Variants in PPP4R2 observed in about 807,000 individuals in gnomAD.
PPP4R2 encodes the protein protein phosphatase 4 regulatory subunit 2.
PPP4R2 carries 13 observed loss-of-function variants against 47.2 expected under a neutral mutation model. That is an observed-to-expected ratio of 0.28 (90% CI 0.18 to 0.44). PPP4R2 has a LOEUF of 0.44. Ranked by LOEUF, PPP4R2 falls within the 20% of genes least tolerant of loss-of-function variation. The pLI, the probability that PPP4R2 is intolerant of heterozygous loss-of-function variation, is 1.00. For missense variants in PPP4R2, 421 were observed against 491.2 expected (o/e 0.86, Z 1.35); for synonymous variants, 151 against 163.3 (o/e 0.92, Z 0.57).
intron 2 of PPP4R2, among the ~76,000 whole-genome samples, chr3:73,004,844 G>GGTGT (rs751819640): frequency 6.9e-4 from 69 of 99,542 alleles, no homozygotes; most frequent in Middle Eastern, 4.1e-3. Context: ...TACAGTGTGG[G>GGTGT]GTGTGTGTGT....
chr3:73,050,931 G>A (rs1412392286), intron 3 of PPP4R2, among the ~76,000 whole-genome samples: 2 of 151,382 alleles, frequency 1.3e-5, no homozygotes, highest in Non-Finnish European at 2.9e-5. Flanking sequence ...ATTTTTTTCT[G>A]GAGACAGAGT....
At chr3:73,016,818 T>C (rs1460633738) in intron 2 of PPP4R2, among the ~76,000 whole-genome samples, 20 of 56,270 alleles carry the variant, frequency 3.6e-4, no homozygotes, top group Admixed American at 9.9e-4. Context: ...TGTTTCTTTT[T>C]TTTTTTTTTT....
chr3:73,062,206 G>C, intron 5 of PPP4R2: 3 of 1,583,842 alleles, frequency 1.9e-6, no homozygotes, highest in Non-Finnish European at 1.7e-6. Context: ...GAATTAAGTC[G>C]GAACCAATTT....
At chr3:73,065,341 CTG>C in intron 8 of PPP4R2, 54 bp from the exon 9 acceptor site, 1 of 1,477,484 alleles carries the variant, frequency 6.8e-7, no homozygotes, top group Non-Finnish European at 9.1e-7. Flanking sequence ...TGAAACTTAA[CTG>C]TGGAGGTATT....
intron 3 of PPP4R2, among the ~76,000 whole-genome samples, chr3:73,057,614 T>C (rs756452510): frequency 2.0e-5 from 3 of 152,302 alleles, no homozygotes; most frequent in South Asian, 4.1e-4. Flanking sequence ...TAAAAACATT[T>C]GTTCTCATAT....
intron 2 of PPP4R2, among the ~76,000 whole-genome samples, chr3:73,045,306 TATA>T: frequency 6.6e-6 from 1 of 152,268 alleles, no homozygotes; most frequent in South Asian, 2.1e-4. Flanking sequence ...CCTGGCCTCG[TATA>T]ATATTTTTAT....
chr3:73,058,544 G>A (rs1206872555), intron 3 of PPP4R2, among the ~76,000 whole-genome samples: 1 of 151,556 alleles, frequency 6.6e-6, no homozygotes, highest in Non-Finnish European at 1.5e-5. Context: ...GTAAATAGTA[G>A]GTTTACATAT....
At chr3:73,023,093 G>A (rs915557224) in intron 2 of PPP4R2, among the ~76,000 whole-genome samples, 1 of 152,088 alleles carries the variant, frequency 6.6e-6, no homozygotes, top group Non-Finnish European at 1.5e-5. Flanking sequence ...GACTGTTTAA[G>A]AGATTTTGCC....
intron 3 of PPP4R2, among the ~76,000 whole-genome samples, chr3:73,048,828 G>T (rs943227999): frequency 1.3e-5 from 2 of 152,142 alleles, no homozygotes; most frequent in African/African-American, 2.4e-5. Context: ...TTAACGGTTT[G>T]CTTTATATCA....
intron 2 of PPP4R2, among the ~76,000 whole-genome samples, chr3:73,032,897 A>G (rs1028578275): frequency 1.3e-5 from 2 of 152,062 alleles, no homozygotes; most frequent in African/African-American, 2.4e-5. Flanking sequence ...AGTTGTTTAT[A>G]TATCAATTTC....
At chr3:73,002,903 A>C (rs1378063506) in intron 2 of PPP4R2, among the ~76,000 whole-genome samples, 1 of 151,664 alleles carries the variant, frequency 6.6e-6, no homozygotes, top group Non-Finnish European at 1.5e-5. Flanking sequence ...TGGCCTCCCA[A>C]AGTGCTGGGA....
At chr3:73,012,660 A>AC (rs1457060383) in intron 2 of PPP4R2, among the ~76,000 whole-genome samples, 1 of 152,188 alleles carries the variant, frequency 6.6e-6, no homozygotes, top group Non-Finnish European at 1.5e-5. Context: ...ACTCGTAGAT[A>AC]CAGAGGGCGC....
chr3:73,063,882 A>G, intron 6 of PPP4R2, 121 bp from the exon 7 acceptor site: 2 of 1,142,752 alleles, frequency 1.8e-6, no homozygotes, highest in South Asian at 1.4e-5. Context: ...TTAATTTGGT[A>G]AGGCATGGGC....
intron 3 of PPP4R2, among the ~76,000 whole-genome samples, chr3:73,049,455 C>T (rs950035304): frequency 4.0e-5 from 6 of 151,432 alleles, no homozygotes; most frequent in Non-Finnish European, 5.9e-5. Context: ...GCCAAGATCT[C>T]GCTACTGCAT....
At chr3:73,064,240 G>T in intron 7 of PPP4R2, 94 bp downstream of exon 7, 1 of 1,111,480 alleles carries the variant, frequency 9.0e-7, no homozygotes. Flanking sequence ...TAAGTTCTGA[G>T]GGACAGAACA....
At chr3:73,062,164 C>A (rs773180356) in intron 5 of PPP4R2, 5 of 1,550,670 alleles carry the variant, frequency 3.2e-6, no homozygotes, top group Non-Finnish European at 3.5e-6. Flanking sequence ...TACAAAAGAT[C>A]TTTTAGACCT....
At chr3:73,027,417 T>C (rs1260018309) in intron 2 of PPP4R2, among the ~76,000 whole-genome samples, 1 of 152,164 alleles carries the variant, frequency 6.6e-6, no homozygotes, top group East Asian at 1.9e-4. Context: ...TGAGCCCCGC[T>C]CCCAGCTATT....
Position 73,064,054 on chromosome 3 carries a change from T to G in PPP4R2, c.546T>G (p.Val182=). The G allele has an allele frequency of 2.5e-6, 4 of 1,613,324 alleles. No homozygotes were observed. Among genetic ancestry groups the G allele is most frequent in the Non-Finnish European group, 3.4e-6 (4 of 1,179,780 alleles). The change falls in exon 7 of 9, where the codon GTT becomes GTG. Residue 182 remains valine (V), a synonymous_variant. Coordinates refer to ENST00000356692, the MANE Select transcript of PPP4R2 (RefSeq NM_174907.4). The stretch of plus-strand genomic sequence containing the variant: ...CCAGGCCACTTAATCGACCAAAGGT[T>G]TCTTTGTCAGCCCCCATGACAACAA... ...GTPRPLNRPK[V]SLSAPMTTNG...
chr3:73,022,943 T>TTG (rs1701989064), intron 2 of PPP4R2, among the ~76,000 whole-genome samples: 1 of 152,128 alleles, frequency 6.6e-6, no homozygotes, highest in Non-Finnish European at 1.5e-5. Flanking sequence ...AATAGGCTGA[T>TTG]TTAAATAATG....
Sources: gnomAD v4.1 joint callset for allele counts (sites outside exome capture counted in the v4.1 genomes callset) on GRCh38, gnomAD v4.1.1 for gene constraint, MANE v1.5 for transcripts, NCBI Gene and HGNC (gene_info 2026-07-23, HGNC 2026-07-21) for gene names.